Variants in KDM6B observed in about 807,000 individuals in gnomAD.
The protein encoded by KDM6B is lysine demethylase 6B.
Under a neutral mutation model 150.4 loss-of-function variants are expected in KDM6B, and 22 were observed. That is an observed-to-expected ratio of 0.15 (90% CI 0.10 to 0.21). The LOEUF is 0.21. KDM6B is among the 10% of genes least tolerant of loss of function. The probability of loss-of-function intolerance (pLI) is 1.00; values close to 1 mark genes in which losing one functional copy is unlikely to be tolerated. For synonymous variants in KDM6B, 1,148 were observed against 921.1 expected, an observed-to-expected ratio of 1.25 and a Z score of -4.46; for missense variants, 1,984 against 2,234.3, an observed-to-expected ratio of 0.89 and a Z score of 2.26.
chr17:7,845,373 G>A lies in KDM6B; in HGVS notation c.-89G>A, dbSNP rs2078510590. 1.3e-6 allele frequency: 1 copy of A among 752,596 alleles called. No individual in the cohort carries two copies. Among genetic ancestry groups the A allele is most frequent in the Non-Finnish European group, 2.3e-6 (1 of 426,312 alleles). The allele number at this position is 752,596 out of a possible 1,614,324, so 46.6% of individuals were successfully genotyped here. A position where few individuals can be genotyped will look rare whatever the true frequency, so the allele number is the denominator to read the frequency against. ...GGGTAGCGGGCACTCTTATCAGAGC[G>A]GCTGGAGCCGGACCATCGTCCCAGA... On this transcript the variant is annotated 5_prime_UTR_variant, in exon 4 of 24. Transcript: ENST00000448097.
Position 7,846,944 on chromosome 17 carries a change from A to G in KDM6B, c.837A>G (p.Pro279=), listed in dbSNP as rs146637535. Residue 279 remains proline (P), a synonymous_variant, in exon 10 of 24, where the codon CCA becomes CCG. Coordinates refer to ENST00000448097, the MANE Select transcript of KDM6B (RefSeq NM_001348716.2). The part of the protein sequence containing the change: ...ATSPPFQLTK[P]GLWSTLHGDA... Reference sequence around the variant, plus strand: ...GCCCCCCATTTCAGCTAACCAAGCCAGGGCTGTGGAGTACCCTGCATGGAG... The same window carrying G: ...GCCCCCCATTTCAGCTAACCAAGCCGGGGCTGTGGAGTACCCTGCATGGAG... 9.7e-4 allele frequency: 1,360 copies of G among 1,400,274 alleles called. 4 individuals carry two copies. The highest frequency in any genetic ancestry group is 3.5e-3 in the East Asian group (95 of 27,478). The allele number at this position is 1,400,274 out of a possible 1,614,324, so 86.7% of individuals were successfully genotyped here.
At position 7,844,368 on chromosome 17, in the gene KDM6B, GC is replaced by G. The variant is rs2078485928; in HGVS notation, c.-268-532del. 6.6e-6 allele frequency: 1 copy of G among 152,300 alleles called. No homozygotes were observed. The highest frequency in any genetic ancestry group is 2.4e-5 in the African/African-American group (1 of 41,426). 9.4% of individuals were successfully genotyped at this position (152,300 alleles called of 1,614,324 possible). On this transcript the variant is annotated intron_variant, in intron 2 of 23. Transcript: ENST00000448097. The surrounding 1 kb of genome is among the most constrained non-coding windows in gnomAD (Gnocchi z 5.9). ...GGAGGAACTGGGTATGAGACTGGGGGCTTGACCAAGGTTTGGGTCGGGGTCA... is the reference window on the plus strand; with the variant it reads ...GGAGGAACTGGGTATGAGACTGGGGGTTGACCAAGGTTTGGGTCGGGGTCA...
intron 1 of KDM6B, among the ~76,000 whole-genome samples, chr17:7,838,751 T>C (rs2078372065): frequency 6.6e-6 from 1 of 151,690 alleles, no homozygotes; most frequent in Admixed American, 6.6e-5. Flanking sequence ...ACACACTCTC[T>C]GCTCCCAGGT....
intron 21 of KDM6B, 83 bp downstream of exon 21, chr17:7,852,719 T>C (rs2078723821): frequency 1.3e-6 from 2 of 1,573,366 alleles, no homozygotes; most frequent in Non-Finnish European, 1.7e-6. Flanking sequence ...ACCCCATTTT[T>C]ACCTCTCTCC....
chr17:7,846,044 C>A, intron 6 of KDM6B, 34 bp from the exon 7 acceptor site: 1 of 1,309,796 alleles, frequency 7.6e-7, no homozygotes, highest in Non-Finnish European at 1.1e-6. Flanking sequence ...CAAGCCCAAC[C>A]CCCACCCACA....
intron 1 of KDM6B, among the ~76,000 whole-genome samples, chr17:7,835,219 C>T (rs1183450366): frequency 6.6e-6 from 1 of 152,016 alleles, no homozygotes; most frequent in African/African-American, 2.4e-5. Context: ...CCGCCTCTCC[C>T]GGCTGGGGTA....
At chr17:7,846,552 T>C in intron 8 of KDM6B, 27 bp from the exon 9 acceptor site, 1 of 1,613,956 alleles carries the variant, frequency 6.2e-7, no homozygotes. Flanking sequence ...ACCCGTGCCA[T>C]TTTCTCTTCT....
chr17:7,843,180 C>T lies in KDM6B; in HGVS notation c.-268-1721C>T, dbSNP rs1199683340. Among the ~76,000 whole-genome samples, 8 of 152,118 alleles carry T rather than the reference C, an allele frequency of 5.3e-5. No individual in the cohort carries two copies. Among genetic ancestry groups the T allele is most frequent in the Non-Finnish European group, 1.2e-4 (8 of 68,022 alleles). ...TGGTAACTGGCGGCGCTCTCGGGAC[C>T]ACTTCCCAAGCAGGCATCTGCCCCT... On this transcript the variant is annotated intron_variant, in intron 2 of 23. Transcript: ENST00000448097. The surrounding 1 kb of genome is among the most constrained non-coding windows in gnomAD (Gnocchi z 4.5).
rs777283349 is a variant in KDM6B at position 7,846,612 on chromosome 17, C to T, written c.583C>T (p.Pro195Ser). The part of the protein sequence containing the change: ...KRNYGAKRGG[P>S]PVKRAAEPPV... ...GAACTATGGAGCCAAGCGGGGAGGTCCCCCGGTGAAGCGAGCTGCTGAACC... is the reference window on the plus strand; with the variant it reads ...GAACTATGGAGCCAAGCGGGGAGGTTCCCCGGTGAAGCGAGCTGCTGAACC... The change falls in exon 9 of 24, where the codon CCC (proline) becomes TCC (serine). Residue 195 changes from proline (P) to serine (S), a missense_variant. Transcript: ENST00000448097. 1 of 1,614,080 alleles carries T rather than the reference C, an allele frequency of 6.2e-7. No individual in the cohort carries two copies. Among genetic ancestry groups the T allele is most frequent in the South Asian group, 1.1e-5 (1 of 91,084 alleles).
chr17:7,852,421 G>T, intron 20 of KDM6B, 74 bp from the exon 21 acceptor site: 2 of 1,289,588 alleles, frequency 1.6e-6, no homozygotes, highest in South Asian at 2.9e-5. Flanking sequence ...GCCGCCAGCA[G>T]TGAGGGAAGG....
chr17:7,836,933 C>T (rs926991412), intron 1 of KDM6B, among the ~76,000 whole-genome samples: 1 of 152,164 alleles, frequency 6.6e-6, no homozygotes, highest in African/African-American at 2.4e-5. Context: ...TATTCCCTCC[C>T]ACCTCTGCCC....
intron 1 of KDM6B, among the ~76,000 whole-genome samples, chr17:7,837,692 G>T (rs959003764): frequency 3.3e-5 from 5 of 152,174 alleles, no homozygotes; most frequent in Non-Finnish European, 7.3e-5. Context: ...TACCTTGAAG[G>T]CCGCTGGGAG....
At chr17:7,850,837 T>TA (rs1165372978) in intron 14 of KDM6B, among the ~76,000 whole-genome samples, 184 bp from the exon 15 acceptor site, 2 of 152,238 alleles carry the variant, frequency 1.3e-5, no homozygotes, top group African/African-American at 4.8e-5. Flanking sequence ...AGGATGCAGA[T>TA]AGAGGCCAGC....
chr17:7,851,845 G>T, intron 18 of KDM6B, 49 bp downstream of exon 18: 1 of 1,562,836 alleles, frequency 6.4e-7, no homozygotes, highest in Non-Finnish European at 8.7e-7. Context: ...GAGAGGAGGG[G>T]CTGGCGGCGG....
intron 2 of KDM6B, among the ~76,000 whole-genome samples, chr17:7,842,049 C>G (rs1173788548): frequency 6.6e-6 from 1 of 152,264 alleles, no homozygotes; most frequent in Non-Finnish European, 1.5e-5. Context: ...AGGTAAAACC[C>G]TATCTGCGGG....
intron 14 of KDM6B, 28 bp from the exon 15 acceptor site, chr17:7,850,993 C>T (rs757105009): frequency 7.0e-6 from 11 of 1,567,140 alleles, no homozygotes; most frequent in Middle Eastern, 1.7e-4. Flanking sequence ...GCCTCTGCCC[C>T]GACACCCTGC....
Position 7,847,510 on chromosome 17 carries a change from G to A in KDM6B, c.1258-36G>A, listed in dbSNP as rs373845387. On this transcript the variant is annotated intron_variant, in intron 11 of 23. Transcript: ENST00000448097. ...GGTGGAGCTTGTCTTGAGGCAGCCCGAGCAATGCTCCTACCACCTGCTTCT... is the reference window on the plus strand; with the variant it reads ...GGTGGAGCTTGTCTTGAGGCAGCCCAAGCAATGCTCCTACCACCTGCTTCT... 2.8e-4 allele frequency: 455 copies of A among 1,612,836 alleles called. 4 individuals carry two copies. The African/African-American group carries it at 5.4e-3, about 19-fold the overall frequency.
chr17:7,846,999 G>A lies in KDM6B; in HGVS notation c.892G>A (p.Ala298Thr), dbSNP rs763987665. Residue 298 changes from alanine (A) to threonine (T), a missense_variant, in exon 10 of 24, where the codon GCA becomes ACA. Physicochemically the swap from Ala to Thr is moderately conservative, Grantham distance 58. Around this residue, in one of 13 missense-constraint regions of KDM6B, gnomAD observed 1,379 missense variants for 1,275.6 expected, o/e 1.08. Coordinates refer to ENST00000448097, the MANE Select transcript of KDM6B (RefSeq NM_001348716.2). ...CTGGGGCCCAGAGCGCAAGGGTTCAGCACCCCCAGAGCGCCAGGTGAGCCC... is the reference window on the plus strand; with the variant it reads ...CTGGGGCCCAGAGCGCAAGGGTTCAACACCCCCAGAGCGCCAGGTGAGCCC... ...DAWGPERKGS[A>T]PPERQEQRHS... 1.9e-5 allele frequency: 30 copies of A among 1,613,556 alleles called. No homozygotes were observed. The South Asian group carries it at 3.3e-4, about 18-fold the overall frequency.
intron 1 of KDM6B, among the ~76,000 whole-genome samples, chr17:7,836,800 T>C (rs773055287): frequency 6.6e-6 from 1 of 152,222 alleles, no homozygotes; most frequent in Non-Finnish European, 1.5e-5. Context: ...TCCAGGAAGC[T>C]TAGCCAGCAC....
Sources: allele counts gnomAD v4.1 joint callset (sites outside exome capture counted in the v4.1 genomes callset), GRCh38; gene constraint gnomAD v4.1.1; regional missense constraint gnomAD v4.1.1; non-coding constraint Gnocchi (gnomAD v3.1); transcripts MANE v1.5; gene names NCBI Gene and HGNC (gene_info 2026-07-23, HGNC 2026-07-21).